The following COG4 variants were observed in gnomAD, a reference collection of about 807,000 sequenced individuals.
COG4 encodes the protein component of oligomeric golgi complex 4.
A neutral mutation model predicts 95.1 loss-of-function variants in COG4; 65 were observed. The ratio of observed to expected loss-of-function variants is 0.68; its 90% CI spans 0.56 to 0.84. The LOEUF (loss-of-function observed/expected upper bound fraction) is 0.84, where lower values mean the gene tolerates loss of function less well. COG4 is among the 40% of genes least tolerant of loss of function. The probability of loss-of-function intolerance (pLI) is 0.00; values close to 1 mark genes in which losing one functional copy is unlikely to be tolerated. For missense variants in COG4, 1,045 were observed against 989.1 expected (o/e 1.06, Z -0.76); for synonymous variants, 421 against 374.8 (o/e 1.12, Z -1.42).
intron 13 of COG4, among the ~76,000 whole-genome samples, chr16:70,488,672 C>T (rs545099465): frequency 3.3e-5 from 5 of 152,046 alleles, no homozygotes; most frequent in South Asian, 2.1e-4. Context: ...CTCAGCCTCC[C>T]GAGTAGCTGG....
rs2049496621 is a variant in COG4 at position 70,503,590 on chromosome 16, TTA to T, written c.1062-2501_1062-2500del. On this transcript the variant is annotated intron_variant, in intron 8 of 18. Transcript: ENST00000323786. ...ATACTCCTCACATCTTAACTCCTAC[TTA>T]CTCTTTTTTTTTTTTTTTTTGAGAC... is the stretch of plus-strand genomic sequence containing the variant. 2.8e-5 allele frequency among the ~76,000 whole-genome samples: 3 copies of T among 107,200 alleles called. No individual in the cohort carries two copies. In the East Asian group the frequency reaches 7.6e-4, roughly 27 times the overall value. The allele number at this position is 107,200 out of a possible 152,430, so 70.3% of individuals were successfully genotyped here. A position where few individuals can be genotyped will look rare whatever the true frequency, so the allele number is the denominator to read the frequency against.
intron 12 of COG4, among the ~76,000 whole-genome samples, chr16:70,494,888 A>C (rs922806470): frequency 6.6e-6 from 1 of 152,178 alleles, no homozygotes; most frequent in Non-Finnish European, 1.5e-5. Context: ...AGCAACCATG[A>C]TATCCTAGAT....
At chr16:70,500,217 G>A (rs2049419607) in intron 9 of COG4, among the ~76,000 whole-genome samples, 2 of 151,866 alleles carry the variant, frequency 1.3e-5, no homozygotes, top group South Asian at 4.2e-4. Flanking sequence ...CGATTCTCCT[G>A]CCTCAGCCTC....
At chr16:70,504,760 A>C (rs1261949502) in intron 8 of COG4, among the ~76,000 whole-genome samples, 4 of 151,702 alleles carry the variant, frequency 2.6e-5, no homozygotes, top group African/African-American at 9.7e-5. Context: ...AAATACAAAA[A>C]TTTGCCAGGC....
At position 70,517,969 on chromosome 16, in the gene COG4, T is replaced by C. The variant is rs56189591; in HGVS notation, c.255-229A>G. On this transcript the variant is annotated intron_variant, in intron 2 of 18. Transcript: ENST00000323786. ...TTTTTTGAGACGGAGTCTTGCTTTG[T>C]CGCCAGGCTGGAGTGCACTGGCGCA... 0.12 allele frequency among the ~76,000 whole-genome samples: 18,068 copies of C among 151,784 alleles called. 3,580 individuals are homozygous for C. Among genetic ancestry groups the C allele is most frequent in the African/African-American group, 0.41 (16,937 of 41,160 alleles).
chr16:70,482,696 C>T (rs766180073), intron 15 of COG4, 33 bp downstream of exon 15: 65 of 1,576,534 alleles, frequency 4.1e-5, no homozygotes, highest in Admixed American at 6.7e-5. Context: ...GAGGGGTCAT[C>T]GGGGCTTGAT....
At chr16:70,508,314 CAT>C in intron 8 of COG4, 90 bp downstream of exon 8, 1 of 1,060,102 alleles carries the variant, frequency 9.4e-7, no homozygotes, top group East Asian at 2.4e-5. Flanking sequence ...ATTTTAAAAA[CAT>C]AGACCACATT....
intron 3 of COG4, among the ~76,000 whole-genome samples, chr16:70,516,531 T>C (rs7186436): frequency 0.12 from 18,171 of 151,952 alleles, 3,583 homozygotes; most frequent in African/African-American, 0.41. Context: ...CTCCTGACCT[T>C]GTGATCTGTC....
At chr16:70,506,348 A>G (rs1400076402) in intron 8 of COG4, among the ~76,000 whole-genome samples, 1 of 151,240 alleles carries the variant, frequency 6.6e-6, no homozygotes, top group Non-Finnish European at 1.5e-5. Flanking sequence ...GCTTGCAGGG[A>G]GCCGAGATCG....
intron 3 of COG4, among the ~76,000 whole-genome samples, chr16:70,516,431 G>A (rs1020188594): frequency 2.0e-5 from 3 of 151,840 alleles, no homozygotes; most frequent in African/African-American, 7.3e-5. Context: ...TGAGTAGCTG[G>A]GACTACAGGA....
At chr16:70,488,357 G>C (rs1009412160) in intron 13 of COG4, among the ~76,000 whole-genome samples, 2 of 151,622 alleles carry the variant, frequency 1.3e-5, no homozygotes, top group Non-Finnish European at 2.9e-5. Flanking sequence ...TTGAATGCCT[G>C]ATCTTGTGAT....
At chr16:70,488,910 G>A (rs2049188603) in intron 13 of COG4, among the ~76,000 whole-genome samples, 1 of 152,188 alleles carries the variant, frequency 6.6e-6, no homozygotes, top group Non-Finnish European at 1.5e-5. Context: ...TGCCTCTCAT[G>A]TACTAAGTGG....
At chr16:70,508,586 C>A (rs2049629155) in intron 7 of COG4, 122 bp from the exon 8 acceptor site, 1 of 880,906 alleles carries the variant, frequency 1.1e-6, no homozygotes, top group South Asian at 1.4e-5. Context: ...ACCAGGTTTA[C>A]CTTCCCTTCA....
intron 6 of COG4, 116 bp downstream of exon 6, chr16:70,509,800 C>T: frequency 1.3e-6 from 1 of 775,668 alleles, no homozygotes; most frequent in East Asian, 2.7e-5. Flanking sequence ...TCAATTAATA[C>T]ACAATAAACT....
In COG4 at chr16:70,494,621, C is replaced by T. The variant is rs552463162; in HGVS notation, c.1647+1645G>A. ...AGACATGTAGTCAAGTGGTGGAAAA[C>T]GGAACTGGAAAGGTGGTATGGGTTA... On this transcript the variant is annotated intron_variant, in intron 12 of 18. Coordinates refer to ENST00000323786, the MANE Select transcript of COG4 (RefSeq NM_015386.3). 5.9e-5 allele frequency among the ~76,000 whole-genome samples: 9 copies of T among 152,148 alleles called. No homozygotes were observed. The East Asian group carries it at 1.5e-3, about 26-fold the overall frequency.
chr16:70,496,579 G>A lies in COG4; in HGVS notation c.1482-148C>T. ...CTTAAGACCACTGTAGGAGACCTGA[G>A]GAGCCAGGGTATGAAAGTAACCAGC... On this transcript the variant is annotated intron_variant, in intron 11 of 18. Coordinates refer to ENST00000323786, the MANE Select transcript of COG4 (RefSeq NM_015386.3). The A allele has an allele frequency of 6.7e-6, 5 of 751,618 alleles. No individual in the cohort carries two copies. In the South Asian group the frequency reaches 7.9e-5, roughly 12 times the overall value. 46.6% of individuals were successfully genotyped at this position (751,618 alleles called of 1,614,324 possible). A position where few individuals can be genotyped will look rare whatever the true frequency, so the allele number is the denominator to read the frequency against.
intron 12 of COG4, among the ~76,000 whole-genome samples, chr16:70,493,472 T>TA (rs2049284802): frequency 6.6e-6 from 1 of 152,118 alleles, no homozygotes; most frequent in Non-Finnish European, 1.5e-5. Flanking sequence ...TTGGGCAGTG[T>TA]AGCTCTAGAA....
In COG4 at chr16:70,509,983, C is replaced by T. The variant is rs143475546; in HGVS notation, c.777G>A (p.Leu259=). 4 of 1,614,080 alleles carry T rather than the reference C, an allele frequency of 2.5e-6. No individual in the cohort carries two copies. Among genetic ancestry groups the T allele is most frequent in the Non-Finnish European group, 3.4e-6 (4 of 1,179,956 alleles). The change falls in exon 6 of 19, where the codon CTG becomes CTA. Residue 259 remains leucine, a synonymous_variant. Coordinates refer to ENST00000323786, the MANE Select transcript of COG4 (RefSeq NM_015386.3). ...SKAEENLLMV[L]GTDMSDRRAA... The stretch of plus-strand genomic sequence containing the variant: ...CTCTCCGATCACTCATGTCTGTCCC[C>T]AGCACCATGAGCAGATTCTCCTCAG...
intron 13 of COG4, among the ~76,000 whole-genome samples, chr16:70,484,218 G>C (rs546399279): frequency 6.6e-6 from 1 of 152,226 alleles, no homozygotes. Flanking sequence ...TGTCTTTAGA[G>C]TCAGACATTC....
Sources: gnomAD v4.1 joint callset for allele counts (sites outside exome capture counted in the v4.1 genomes callset) on GRCh38, gnomAD v4.1.1 for gene constraint, MANE v1.5 for transcripts, NCBI Gene and HGNC (gene_info 2026-07-23, HGNC 2026-07-21) for gene names.